The following TRERF1 variants were observed in gnomAD, a reference collection of about 807,000 sequenced individuals.
TRERF1 encodes the protein transcriptional regulating factor 1.
TRERF1 carries 27 observed loss-of-function variants against 122.9 expected under a neutral mutation model. That is an observed-to-expected ratio of 0.22 (90% CI 0.16 to 0.30). TRERF1 has a LOEUF of 0.30. TRERF1 is among the 10% of genes least tolerant of loss of function. The probability of loss-of-function intolerance (pLI) is 1.00; values close to 1 mark genes in which losing one functional copy is unlikely to be tolerated. For missense variants in TRERF1, 1,248 were observed against 1,560.3 expected, an observed-to-expected ratio of 0.80 and a Z score of 3.37; for synonymous variants, 636 against 641.7, an observed-to-expected ratio of 0.99 and a Z score of 0.13.
intron 2 of TRERF1, among the ~76,000 whole-genome samples, chr6:42,439,120 A>G (rs1786006675): frequency 6.6e-6 from 1 of 152,236 alleles, no homozygotes; most frequent in Non-Finnish European, 1.5e-5. Flanking sequence ...TTCTCCTTCA[A>G]CATCACTGCC....
chr6:42,428,978 C>T (rs983395679), intron 2 of TRERF1, among the ~76,000 whole-genome samples: 4 of 152,186 alleles, frequency 2.6e-5, no homozygotes, highest in Non-Finnish European at 4.4e-5. Context: ...CTGTCCCTCT[C>T]GCAGCAGGCT....
At chr6:42,273,030 C>T (rs1043733831) in intron 4 of TRERF1, among the ~76,000 whole-genome samples, 1 of 152,140 alleles carries the variant, frequency 6.6e-6, no homozygotes, top group African/African-American at 2.4e-5. Context: ...ATGATGCCCC[C>T]TCACCATTTG....
chr6:42,229,011 C>T (rs2149455400), intron 17 of TRERF1, among the ~76,000 whole-genome samples: 2 of 152,354 alleles, frequency 1.3e-5, no homozygotes, highest in South Asian at 4.1e-4. Flanking sequence ...ATGCCCTCTC[C>T]ACTGGAGAAT....
chr6:42,408,214 T>A (rs1220105532), intron 2 of TRERF1, among the ~76,000 whole-genome samples: 4 of 131,544 alleles, frequency 3.0e-5, no homozygotes, highest in East Asian at 2.1e-4. Flanking sequence ...TAAATAAATA[T>A]ATATATATAT....
chr6:42,448,520 G>A (rs1422777582), intron 2 of TRERF1, among the ~76,000 whole-genome samples: 1 of 152,154 alleles, frequency 6.6e-6, no homozygotes, highest in Non-Finnish European at 1.5e-5. Context: ...TCCATGAGAA[G>A]ACAAAAACAG....
At chr6:42,225,185 G>C (rs1358492329), downstream of TRERF1, 8 of 147,076 alleles carry the variant, frequency 5.4e-5, no homozygotes, top group Non-Finnish European at 1.2e-4. Flanking sequence ...AAACAACCTA[G>C]AATGCCCCAG....
intron 2 of TRERF1, among the ~76,000 whole-genome samples, chr6:42,374,793 A>G (rs1016739572): frequency 6.6e-6 from 1 of 152,022 alleles, no homozygotes; most frequent in African/African-American, 2.4e-5. Context: ...GGATTGCCTG[A>G]GCTAAGGAGT....
chr6:42,357,547 C>G (rs887745519), intron 3 of TRERF1, among the ~76,000 whole-genome samples: 2 of 152,130 alleles, frequency 1.3e-5, no homozygotes, highest in African/African-American at 4.8e-5. Context: ...TCCTTGTTTA[C>G]AGGAGACCCA....
chr6:42,272,371 G>A (rs756829947), intron 4 of TRERF1, among the ~76,000 whole-genome samples: 2 of 152,140 alleles, frequency 1.3e-5, no homozygotes, highest in Non-Finnish European at 2.9e-5. Context: ...AGGGGAGGGT[G>A]GCCAAGGATG....
intron 16 of TRERF1, 101 bp downstream of exon 16, chr6:42,236,104 T>TG: frequency 2.1e-6 from 3 of 1,461,604 alleles, no homozygotes; most frequent in Non-Finnish European, 2.7e-6. Context: ...AAACTGTGAC[T>TG]GTTGGAAGAG....
chr6:42,299,114 G>A (rs75161784), intron 4 of TRERF1, among the ~76,000 whole-genome samples: 1 of 95,966 alleles, frequency 1.0e-5, no homozygotes, highest in South Asian at 3.1e-4. Flanking sequence ...CTGTCTGTCT[G>A]TCTCTATCTA....
chr6:42,413,891 A>C (rs2151480782), intron 2 of TRERF1, among the ~76,000 whole-genome samples: 1 of 152,354 alleles, frequency 6.6e-6, no homozygotes. Context: ...AATGTGAGCA[A>C]ATGTCAGGGA....
chr6:42,376,148 G>A (rs75686689), intron 2 of TRERF1, among the ~76,000 whole-genome samples: 1 of 152,158 alleles, frequency 6.6e-6, no homozygotes, highest in Non-Finnish European at 1.5e-5. Flanking sequence ...GCCACCCCCA[G>A]TTCCAGGGCA....
chr6:42,256,676 T>C, intron 12 of TRERF1, 52 bp downstream of exon 12: 1 of 1,539,510 alleles, frequency 6.5e-7, no homozygotes, highest in South Asian at 1.1e-5. Flanking sequence ...TATTGAAACT[T>C]GGGAAAATAC....
At chr6:42,314,036 G>A (rs552107177) in intron 3 of TRERF1, among the ~76,000 whole-genome samples, 4 of 152,182 alleles carry the variant, frequency 2.6e-5, no homozygotes, top group East Asian at 3.9e-4. Context: ...CTGGAGGTGC[G>A]GCCCTAAAGG....
chr6:42,331,624 C>A (rs951913002), intron 3 of TRERF1, among the ~76,000 whole-genome samples: 1 of 152,172 alleles, frequency 6.6e-6, no homozygotes, highest in African/African-American at 2.4e-5. Flanking sequence ...CTGCAGATCC[C>A]TAAGCGGGGA....
chr6:42,306,647 T>TCC (rs1787313445), intron 3 of TRERF1, among the ~76,000 whole-genome samples: 1 of 152,198 alleles, frequency 6.6e-6, no homozygotes, highest in African/African-American at 2.4e-5. Context: ...AGCTCTTTTC[T>TCC]ACCCCAGGGC....
At chr6:42,354,973 T>A (rs1770220517) in intron 3 of TRERF1, among the ~76,000 whole-genome samples, 1 of 152,220 alleles carries the variant, frequency 6.6e-6, no homozygotes, top group African/African-American at 2.4e-5. Flanking sequence ...TCCAAATCCT[T>A]AGTTTCAAGC....
intron 15 of TRERF1, among the ~76,000 whole-genome samples, chr6:42,238,862 C>CACACAT (rs1263550259): frequency 4.7e-5 from 7 of 150,280 alleles, no homozygotes; most frequent in Non-Finnish European, 7.4e-5. Flanking sequence ...CACACACACA[C>CACACAT]ACACACACAA....
Sources: allele counts gnomAD v4.1 joint callset (sites outside exome capture counted in the v4.1 genomes callset), GRCh38; gene constraint gnomAD v4.1.1; transcripts MANE v1.5; gene names NCBI Gene and HGNC (gene_info 2026-07-23, HGNC 2026-07-21).